Variants in LUC7L3 observed in about 807,000 individuals in gnomAD.
LUC7L3 encodes LUC7 like 3 pre-mRNA splicing factor.
Under a neutral mutation model 66.8 loss-of-function variants are expected in LUC7L3, and 6 were observed. The observed-to-expected ratio is 0.09, with a 90% CI of 0.05 to 0.18. The LOEUF is 0.18. Ranked by LOEUF, LUC7L3 falls within the 10% of genes least tolerant of loss-of-function variation. LUC7L3 has a pLI of 1.00. For missense variants in LUC7L3, 341 were observed against 531.1 expected, an observed-to-expected ratio of 0.64 and a Z score of 3.52; for synonymous variants, 160 against 174.7, an observed-to-expected ratio of 0.92 and a Z score of 0.66.
At position 50,754,502 on chromosome 17, in the gene LUC7L3, T is replaced by A. The variant is rs1230273372; in HGVS notation, c.*3841T>A. ...GTATAAAACAAATTGGGTAAACTTT[T>A]GTTGGTCATCAAACTATATTAGCAC... On this transcript the variant is annotated 3_prime_UTR_variant, in exon 10 of 10. Coordinates refer to ENST00000505658, the MANE Select transcript of LUC7L3 (RefSeq NM_016424.5). 2.0e-5 allele frequency: 3 copies of A among 152,224 alleles called. No individual in the cohort carries two copies. The highest frequency in any genetic ancestry group is 2.1e-4 in the South Asian group (1 of 4,834). The allele number at this position is 152,224 out of a possible 1,614,324, so 9.4% of individuals were successfully genotyped here.
intron 1 of LUC7L3, among the ~76,000 whole-genome samples, chr17:50,721,698 T>C (rs980585424): frequency 2.6e-5 from 4 of 152,210 alleles, no homozygotes; most frequent in Admixed American, 1.3e-4. Flanking sequence ...GCTGTTGATA[T>C]CGTTTCCGGG....
rs1315552560 is a variant in LUC7L3, at chr17:50,756,170, T to C, written c.*5509T>C. On this transcript the variant is annotated 3_prime_UTR_variant, in exon 10 of 10. Transcript: ENST00000505658. ...TTTAATCTGTATGTTTATGTGCTTTTGTATGTATGATATTTCTTAATAAAA... is the reference window on the plus strand; with the variant it reads ...TTTAATCTGTATGTTTATGTGCTTTCGTATGTATGATATTTCTTAATAAAA... The C allele has an allele frequency of 6.6e-6, 1 of 152,138 alleles. No individual in the cohort carries two copies. Among genetic ancestry groups the C allele is most frequent in the East Asian group, 1.9e-4 (1 of 5,192 alleles). 9.4% of individuals were successfully genotyped at this position (152,138 alleles called of 1,614,324 possible).
At chr17:50,721,449 C>A (rs760539310) in intron 1 of LUC7L3, among the ~76,000 whole-genome samples, 1 of 152,150 alleles carries the variant, frequency 6.6e-6, no homozygotes, top group Non-Finnish European at 1.5e-5. Context: ...TCATCTCAGC[C>A]GTAATCTGCT....
intron 5 of LUC7L3, 124 bp downstream of exon 5, chr17:50,741,855 C>A: frequency 1.5e-6 from 1 of 651,458 alleles, no homozygotes; most frequent in Non-Finnish European, 2.6e-6. Flanking sequence ...GAGGCCGAGG[C>A]GGGAGGATTG....
chr17:50,746,140 G>A (rs1455039447), intron 8 of LUC7L3, 137 bp downstream of exon 8: 14 of 1,313,006 alleles, frequency 1.1e-5, no homozygotes, highest in African/African-American at 1.5e-5. Flanking sequence ...TTGCGAGAGC[G>A]GAATCAGTGA....
At chr17:50,735,970 T>G (rs1198564120) in intron 1 of LUC7L3, among the ~76,000 whole-genome samples, 1 of 152,168 alleles carries the variant, frequency 6.6e-6, no homozygotes, top group African/African-American at 2.4e-5. Flanking sequence ...CTGTCTGTAC[T>G]AAAAATACAA....
intron 2 of LUC7L3, among the ~76,000 whole-genome samples, chr17:50,739,406 C>T (rs1970200540): frequency 6.6e-6 from 1 of 152,190 alleles, no homozygotes; most frequent in South Asian, 2.1e-4. Context: ...AATCCCAGCA[C>T]TTTTGGAGGC....
Position 50,741,102 on chromosome 17 carries a change from G to A in LUC7L3, c.207G>A (p.Gln69=), listed in dbSNP as rs1970322640. The A allele has an allele frequency of 1.2e-6, 2 of 1,613,868 alleles. No individual in the cohort carries two copies. Among genetic ancestry groups the A allele is most frequent in the East Asian group, 2.2e-5 (1 of 44,892 alleles). Residue 69 remains glutamine (Q), a splice_region_variant and synonymous_variant, in exon 4 of 10, where the codon CAG becomes CAA. Coordinates refer to ENST00000505658, the MANE Select transcript of LUC7L3 (RefSeq NM_016424.5). ...EKIHDENLRK[Q]YEKSSRFMKV... ...TACTTGTTTATTTTCATGTTACCAG[G>A]TATGAGAAGAGCTCTCGTTTCATGA...
At position 50,752,337 on chromosome 17, in the gene LUC7L3, T is replaced by C. The variant is rs1488568948; in HGVS notation, c.*1676T>C. The C allele has an allele frequency of 2.5e-5, 18 of 730,358 alleles. No individual in the cohort carries two copies. The highest frequency in any genetic ancestry group is 3.4e-5 in the Non-Finnish European group (18 of 523,826). 45.2% of individuals were successfully genotyped at this position (730,358 alleles called of 1,614,324 possible). ...CAGTTAGTTTTTTTATTATTATTAT[T>C]ATTAAAAGTTAATTCAGGACTGATG... On this transcript the variant is annotated 3_prime_UTR_variant, in exon 10 of 10. Coordinates refer to ENST00000505658, the MANE Select transcript of LUC7L3 (RefSeq NM_016424.5).
chr17:50,721,225 G>T (rs1968730849), intron 1 of LUC7L3, among the ~76,000 whole-genome samples: 3 of 152,088 alleles, frequency 2.0e-5, no homozygotes, highest in Admixed American at 2.0e-4. Flanking sequence ...ATGTTCAATA[G>T]GTTATTTGTA....
In LUC7L3 at chr17:50,752,930, C is replaced by T. The variant is rs749815762; in HGVS notation, c.*2269C>T. ...TATATTTTTACATCCCTGAGAGATT[C>T]ATTTAGTAGAAAATTCCAAGTATCC... On this transcript the variant is annotated 3_prime_UTR_variant, in exon 10 of 10. Coordinates refer to ENST00000505658, the MANE Select transcript of LUC7L3 (RefSeq NM_016424.5). 2.9e-5 allele frequency: 4 copies of T among 139,512 alleles called. No homozygotes were observed. Among genetic ancestry groups the T allele is most frequent in the Non-Finnish European group, 4.7e-5 (3 of 64,482 alleles). The allele number at this position is 139,512 out of a possible 1,614,324, so 8.6% of individuals were successfully genotyped here.
At chr17:50,739,845 G>A (rs1402942632) in intron 2 of LUC7L3, among the ~76,000 whole-genome samples, 1 of 152,122 alleles carries the variant, frequency 6.6e-6, no homozygotes, top group African/African-American at 2.4e-5. Context: ...AGGTAAATTC[G>A]GGAAGAAATA....
chr17:50,722,489 CCCGG>C (rs1968851950), intron 1 of LUC7L3: 1 of 152,218 alleles, frequency 6.6e-6, no homozygotes, highest in African/African-American at 2.4e-5. Flanking sequence ...AGCCACCGCG[CCCGG>C]CCGGCTCCTC....
At chr17:50,742,685 G>A (rs575832598) in intron 5 of LUC7L3, among the ~76,000 whole-genome samples, 2 of 152,218 alleles carry the variant, frequency 1.3e-5, no homozygotes, top group South Asian at 2.1e-4. Flanking sequence ...AGTTAAAAAT[G>A]TACCATATGC....
rs756202790 is a variant in LUC7L3, at chr17:50,745,986, A to T, written c.960A>T (p.Arg320Ser). ...RSRDHKRSRS[R>S]ERRRSRSRDR... The stretch of plus-strand genomic sequence containing the variant: ...GGGACCACAAAAGGTCACGAAGTAG[A>T]GAAAGAAGGCGGAGCAGGTATATAT... The change falls in exon 8 of 10, where the codon AGA (arginine) becomes AGT (serine). Residue 320 changes from arginine to serine, a missense_variant. Transcript: ENST00000505658. The T allele has an allele frequency of 6.2e-7, 1 of 1,600,992 alleles. No homozygotes were observed. The highest frequency in any genetic ancestry group is 8.5e-7 in the Non-Finnish European group (1 of 1,176,742).
chr17:50,743,587 T>C, intron 5 of LUC7L3, 119 bp from the exon 6 acceptor site: 1 of 645,226 alleles, frequency 1.5e-6, no homozygotes, highest in Non-Finnish European at 2.7e-6. Flanking sequence ...CCAAAGAGGC[T>C]TTTGTAAATG....
At chr17:50,733,407 T>G (rs1199846492) in intron 1 of LUC7L3, among the ~76,000 whole-genome samples, 1 of 143,066 alleles carries the variant, frequency 7.0e-6, no homozygotes, top group Non-Finnish European at 1.5e-5. Context: ...AGTTTTTTTT[T>G]TTTTTTTTTT....
chr17:50,738,398 T>G (rs1970128585), intron 2 of LUC7L3, among the ~76,000 whole-genome samples: 3 of 152,100 alleles, frequency 2.0e-5, no homozygotes, highest in Admixed American at 1.3e-4. Flanking sequence ...CACAAGAGAT[T>G]AACAAAACCA....
rs1260544436 is a variant in LUC7L3 at position 50,723,946 on chromosome 17, C to T, written c.99+4115C>T. ...CACTGCGCCCGGCTGGCATTTCCTA[C>T]CTTACTCCATAGTAAAATAGTAAGT... On this transcript the variant is annotated intron_variant, in intron 1 of 9. Transcript: ENST00000505658. 2.6e-5 allele frequency: 12 copies of T among 455,328 alleles called. No homozygotes were observed. The East Asian group carries it at 7.1e-4, about 27-fold the overall frequency. 28.2% of individuals were successfully genotyped at this position (455,328 alleles called of 1,614,324 possible).
Sources: allele counts gnomAD v4.1 joint callset (sites outside exome capture counted in the v4.1 genomes callset), GRCh38; gene constraint gnomAD v4.1.1; transcripts MANE v1.5; gene names NCBI Gene and HGNC (gene_info 2026-07-23, HGNC 2026-07-21).